RORA: variants seen among roughly 807,000 people sequenced by gnomAD.
The protein encoded by RORA is nuclear receptor ROR-alpha.
RORA carries 7 observed loss-of-function variants against 69.5 expected under a neutral mutation model. That is an observed-to-expected ratio of 0.10 (90% CI 0.06 to 0.19). The LOEUF is 0.19. Among genes scored for constraint, RORA ranks in the 10% least tolerant of loss-of-function variants. The pLI, the probability that RORA is intolerant of heterozygous loss-of-function variation, is 1.00. For synonymous variants in RORA, 261 were observed against 240.8 expected, an observed-to-expected ratio of 1.08 and a Z score of -0.78; for missense variants, 457 against 663.0, an observed-to-expected ratio of 0.69 and a Z score of 3.41.
At chr15:61,082,209 C>A (rs754621440) in intron 1 of RORA, among the ~76,000 whole-genome samples, 2 of 152,326 alleles carry the variant, frequency 1.3e-5, no homozygotes, top group Non-Finnish European at 2.9e-5. Context: ...CGGTATTTGG[C>A]CGGGCGCAGT....
At chr15:60,524,464 A>G (rs996511499) in intron 3 of RORA, among the ~76,000 whole-genome samples, 1 of 152,174 alleles carries the variant, frequency 6.6e-6, no homozygotes, top group Non-Finnish European at 1.5e-5. Flanking sequence ...ACAGTTCCCC[A>G]AAGAAACTCT....
intron 1 of RORA, among the ~76,000 whole-genome samples, chr15:61,100,400 A>G (rs2078862209): frequency 1.3e-5 from 2 of 152,222 alleles, no homozygotes; most frequent in Non-Finnish European, 1.5e-5. Context: ...GATTACAGGC[A>G]TGACCAGCGG....
intron 1 of RORA, among the ~76,000 whole-genome samples, chr15:60,827,814 G>T (rs1031091372): frequency 1.3e-5 from 2 of 152,206 alleles, no homozygotes; most frequent in African/African-American, 4.8e-5. Context: ...TCCTATAAAG[G>T]ATTCTTGAAG....
chr15:60,558,136 C>T (rs573932104), intron 2 of RORA: 187 of 890,842 alleles, frequency 2.1e-4, no homozygotes, highest in South Asian at 2.1e-3. Flanking sequence ...AGTGCCACAC[C>T]GGGGGAAAGG....
chr15:61,223,158 CAA>C (rs1292658095), intron 1 of RORA, among the ~76,000 whole-genome samples: 2 of 151,564 alleles, frequency 1.3e-5, no homozygotes, highest in Non-Finnish European at 2.9e-5. Context: ...TACTAAAACA[CAA>C]AAAATTAGCT....
intron 1 of RORA, among the ~76,000 whole-genome samples, chr15:61,088,330 C>G (rs377285896): frequency 7.9e-5 from 12 of 152,116 alleles, no homozygotes; most frequent in African/African-American, 2.9e-4. Context: ...ATGTGTGTGT[C>G]TCTGTGTTTG....
At chr15:60,532,905 C>G (rs1327222506) in intron 2 of RORA, among the ~76,000 whole-genome samples, 1 of 152,170 alleles carries the variant, frequency 6.6e-6, no homozygotes, top group African/African-American at 2.4e-5. Context: ...GTGCCCAAGT[C>G]TATTTCATTT....
intron 1 of RORA, among the ~76,000 whole-genome samples, chr15:60,861,363 T>G (rs78979994): frequency 0.013 from 1,911 of 152,284 alleles, 24 homozygotes; most frequent in Non-Finnish European, 0.02. Context: ...GATAAGGCAG[T>G]TTTCAAAGTG....
chr15:60,981,345 TA>T (rs1894039769), intron 1 of RORA, among the ~76,000 whole-genome samples: 2 of 152,178 alleles, frequency 1.3e-5, no homozygotes, highest in African/African-American at 4.8e-5. Context: ...TATAGATTGA[TA>T]TTTTTTATCA....
chr15:61,095,574 C>T (rs2078776779), intron 1 of RORA, among the ~76,000 whole-genome samples: 1 of 152,190 alleles, frequency 6.6e-6, no homozygotes, highest in South Asian at 2.1e-4. Flanking sequence ...ATGCTTTCTC[C>T]AATCTTATGG....
intron 1 of RORA, among the ~76,000 whole-genome samples, chr15:60,793,786 G>A (rs539773641): frequency 6.6e-6 from 1 of 152,298 alleles, no homozygotes; most frequent in East Asian, 1.9e-4. Flanking sequence ...ACTTAAGCCA[G>A]GCTAGACTCC....
intron 1 of RORA, among the ~76,000 whole-genome samples, chr15:61,139,101 G>T (rs1038011305): frequency 1.3e-5 from 2 of 151,330 alleles, no homozygotes; most frequent in Non-Finnish European, 2.9e-5. Flanking sequence ...CCAAGATCGC[G>T]CCACTGCACT....
chr15:61,112,088 T>G (rs1480641525), intron 1 of RORA, among the ~76,000 whole-genome samples: 3 of 152,200 alleles, frequency 2.0e-5, no homozygotes, highest in Non-Finnish European at 2.9e-5. Flanking sequence ...CTCCACGAAC[T>G]GCTGCCGGTC....
At chr15:60,548,401 G>C (rs1432384725) in intron 2 of RORA, among the ~76,000 whole-genome samples, 3 of 151,658 alleles carry the variant, frequency 2.0e-5, no homozygotes, top group Non-Finnish European at 4.4e-5. Context: ...CTGGCATTTC[G>C]GGCACTGTGC....
At chr15:60,608,087 G>T (rs903732270) in intron 2 of RORA, among the ~76,000 whole-genome samples, 1 of 152,182 alleles carries the variant, frequency 6.6e-6, no homozygotes, top group Admixed American at 6.5e-5. Flanking sequence ...CACCTGCCAG[G>T]CTAGATCCAC....
intron 1 of RORA, among the ~76,000 whole-genome samples, chr15:61,109,461 C>T (rs2078983257): frequency 6.6e-6 from 1 of 152,164 alleles, no homozygotes; most frequent in African/African-American, 2.4e-5. Context: ...CAGGTGGTTT[C>T]AGTCAACACC....
chr15:60,565,292 A>G (rs976682654), intron 2 of RORA, among the ~76,000 whole-genome samples: 1 of 152,194 alleles, frequency 6.6e-6, no homozygotes, highest in Admixed American at 6.5e-5. Context: ...TAGAAGCTCA[A>G]GTACCATTGC....
chr15:61,011,593 C>T lies in RORA; in HGVS notation c.166+217460G>A, dbSNP rs544347692. ...ATTGGCAAAATACTCTCATGGAAAG[C>T]GTATCTGCAAAAGCTTTCCTACGCA... On this transcript the variant is annotated intron_variant, in intron 1 of 10. Coordinates refer to ENST00000335670, the MANE Select transcript of RORA (RefSeq NM_134261.3). 7.2e-5 allele frequency among the ~76,000 whole-genome samples: 11 copies of T among 151,964 alleles called. No individual in the cohort carries two copies. The South Asian group carries it at 1.3e-3, about 17-fold the overall frequency.
At chr15:60,908,503 G>C (rs1417133184) in intron 1 of RORA, among the ~76,000 whole-genome samples, 2 of 152,188 alleles carry the variant, frequency 1.3e-5, no homozygotes, top group Non-Finnish European at 2.9e-5. Flanking sequence ...GAGTACAGGG[G>C]TAGGCGGCAC....
Sources: allele counts gnomAD v4.1 joint callset (sites outside exome capture counted in the v4.1 genomes callset), GRCh38; gene constraint gnomAD v4.1.1; transcripts MANE v1.5; gene names NCBI Gene and HGNC (gene_info 2026-07-23, HGNC 2026-07-21).